Variants in CBY1 observed in about 807,000 individuals in gnomAD.
CBY1 encodes protein chibby homolog 1.
In CBY1, 10 loss-of-function variants were observed where a neutral mutation model predicts 15.6. The ratio of observed to expected loss-of-function variants is 0.64; its 90% CI spans 0.40 to 1.09. The LOEUF is 1.09. CBY1 is among the 50% of genes least tolerant of loss of function. The pLI is 0.01. For missense variants in CBY1, 150 were observed against 160.5 expected (o/e 0.93, Z 0.35); for synonymous variants, 61 against 63.5 (o/e 0.96, Z 0.19).
At chr22:38,669,577 A>G (rs4821807) in intron 2 of CBY1, 45,143 of 151,994 alleles carry the variant, frequency 0.3, 6,786 homozygotes, top group East Asian at 0.36. Flanking sequence ...CAGACAGCAA[A>G]ACAAAGCATA....
At chr22:38,659,810 C>A (rs1160554152) in intron 1 of CBY1, among the ~76,000 whole-genome samples, 1 of 145,814 alleles carries the variant, frequency 6.9e-6, no homozygotes, top group East Asian at 2.0e-4. Flanking sequence ...TGCAGTGAGC[C>A]GACATCGCAC....
chr22:38,669,161 C>T (rs1259924432), intron 2 of CBY1, among the ~76,000 whole-genome samples: 3 of 152,136 alleles, frequency 2.0e-5, no homozygotes, highest in African/African-American at 4.8e-5. Context: ...GCCTCCACAG[C>T]GCTCCATATG....
intron 1 of CBY1, among the ~76,000 whole-genome samples, chr22:38,659,581 G>A (rs1485794011): frequency 6.6e-6 from 1 of 151,982 alleles, no homozygotes; most frequent in Non-Finnish European, 1.5e-5. Flanking sequence ...AGAATGTGCT[G>A]GCCGGGCACG....
Position 38,671,969 on chromosome 22 carries a change from TA to T in CBY1, c.303+787del, listed in dbSNP as rs200185045. On this transcript the variant is annotated intron_variant, in intron 4 of 4. Transcript: ENST00000216029. ...TAAGATGCCATCTTTTTTTTTTTTTTAAAAAAGGACTAGGCTGGGCATGATG... is the reference window on the plus strand; with the variant it reads ...TAAGATGCCATCTTTTTTTTTTTTTTAAAAAGGACTAGGCTGGGCATGATG... 9.3e-4 allele frequency among the ~76,000 whole-genome samples: 139 copies of T among 149,908 alleles called. No individual in the cohort carries two copies. The South Asian group carries it at 0.011, about 11-fold the overall frequency.
intron 1 of CBY1, chr22:38,665,808 G>C (rs1465568555): frequency 1.3e-6 from 1 of 770,520 alleles, no homozygotes; most frequent in Non-Finnish European, 1.7e-6. Flanking sequence ...GCCAAGGTGG[G>C]CAGGTCACTT....
At chr22:38,660,808 C>T (rs2092420316) in intron 1 of CBY1, among the ~76,000 whole-genome samples, 2 of 151,796 alleles carry the variant, frequency 1.3e-5, no homozygotes, top group African/African-American at 4.8e-5. Context: ...CACGATCTCC[C>T]TCACCGCAGC....
intron 1 of CBY1, among the ~76,000 whole-genome samples, chr22:38,662,985 T>C (rs2092426185): frequency 6.6e-6 from 1 of 151,970 alleles, no homozygotes; most frequent in African/African-American, 2.4e-5. Context: ...TTGGGTGTGG[T>C]GGCAGGCGCC....
chr22:38,663,744 G>A (rs1470051323), intron 1 of CBY1, among the ~76,000 whole-genome samples: 6 of 150,294 alleles, frequency 4.0e-5, no homozygotes, highest in African/African-American at 7.3e-5. Context: ...AAAAGAGGTC[G>A]GGCGCAGTGG....
intron 1 of CBY1, among the ~76,000 whole-genome samples, chr22:38,663,659 G>GCAC (rs2092428026): frequency 7.1e-6 from 1 of 140,674 alleles, no homozygotes; most frequent in African/African-American, 2.7e-5. Context: ...TGGCGCCATT[G>GCAC]CACTTCAGCC....
chr22:38,664,079 A>G (rs2092429616), intron 1 of CBY1, among the ~76,000 whole-genome samples: 1 of 152,072 alleles, frequency 6.6e-6, no homozygotes, highest in African/African-American at 2.4e-5. Flanking sequence ...TATTTTCAGT[A>G]CTGTACATAT....
At chr22:38,665,994 A>T (rs2092434736) in intron 1 of CBY1, among the ~76,000 whole-genome samples, 1 of 152,010 alleles carries the variant, frequency 6.6e-6, no homozygotes, top group Non-Finnish European at 1.5e-5. Flanking sequence ...AATAAAATTT[A>T]AAAAATACTT....
chr22:38,664,029 A>G (rs1808623122), intron 1 of CBY1, among the ~76,000 whole-genome samples: 1 of 151,850 alleles, frequency 6.6e-6, no homozygotes, highest in South Asian at 2.1e-4. Flanking sequence ...TTCAAAAAAA[A>G]AAAAGAAGGA....
chr22:38,668,323 A>C, intron 2 of CBY1, 191 bp downstream of exon 2: 1 of 538,840 alleles, frequency 1.9e-6, no homozygotes, highest in Non-Finnish European at 3.3e-6. Flanking sequence ...TTTATCCAAG[A>C]ACCTAAGAAG....
intron 4 of CBY1, chr22:38,671,458 C>T (rs949193212): frequency 7.5e-6 from 3 of 399,966 alleles, no homozygotes; most frequent in African/African-American, 2.0e-5. Flanking sequence ...TCTGTCAAGT[C>T]GGGAGAGCTT....
At chr22:38,673,094 C>T (rs1054085106) in intron 4 of CBY1, 65 bp from the exon 5 acceptor site, 2 of 1,161,180 alleles carry the variant, frequency 1.7e-6, no homozygotes, top group Non-Finnish European at 2.6e-6. Context: ...GTAGGGCCGG[C>T]CTTGCTAACC....
At position 38,668,108 on chromosome 22, in the gene CBY1, G is replaced by A. The variant is rs747139465; in HGVS notation, c.54G>A (p.Ser18=). The A allele has an allele frequency of 6.2e-6, 10 of 1,611,822 alleles. No homozygotes were observed. The highest frequency in any genetic ancestry group is 2.2e-5 in the South Asian group (2 of 91,018). ...FSPKKTPPRK[S]ASLSNLHSLD... is the part of the protein sequence containing the mutation. Reference sequence around the variant, plus strand: ...CGAAGAAGACACCTCCTCGGAAGTCGGCATCTCTCTCCAACCTGCATTCTG... The same window carrying A: ...CGAAGAAGACACCTCCTCGGAAGTCAGCATCTCTCTCCAACCTGCATTCTG... Residue 18 remains serine (S), a synonymous_variant, in exon 2 of 5, where the codon TCG becomes TCA. Transcript: ENST00000216029.
At chr22:38,670,758 T>G (rs557869270) in intron 2 of CBY1, 126 bp from the exon 3 acceptor site, 7 of 673,378 alleles carry the variant, frequency 1.0e-5, no homozygotes, top group Non-Finnish European at 1.8e-5. Flanking sequence ...TTTAAAAAAA[T>G]CATTAAAGGT....
chr22:38,664,449 T>C (rs1334263312), intron 1 of CBY1, among the ~76,000 whole-genome samples: 3 of 133,030 alleles, frequency 2.3e-5, no homozygotes, highest in Non-Finnish European at 4.6e-5. Context: ...TCCAGCCCGA[T>C]GACAGAGGGA....
chr22:38,659,078 G>A (rs1283017672), intron 1 of CBY1, among the ~76,000 whole-genome samples: 6 of 152,074 alleles, frequency 3.9e-5, no homozygotes, highest in African/African-American at 1.4e-4. Context: ...TGAGATTACA[G>A]GCGCACGCCA....
Sources: gnomAD v4.1 joint callset for allele counts (sites outside exome capture counted in the v4.1 genomes callset) on GRCh38, gnomAD v4.1.1 for gene constraint, MANE v1.5 for transcripts, NCBI Gene and HGNC (gene_info 2026-07-23, HGNC 2026-07-21) for gene names.